ANKFN1: variants seen among roughly 807,000 people sequenced by gnomAD.
ANKFN1 encodes ankyrin repeat and fibronectin type-III domain-containing protein 1.
Under a neutral mutation model 108.7 loss-of-function variants are expected in ANKFN1, and 74 were observed. The observed-to-expected ratio is 0.68, with a 90% CI of 0.56 to 0.83. The LOEUF is 0.83. ANKFN1 is among the 40% of genes least tolerant of loss of function. ANKFN1 has a pLI of 0.00. For synonymous variants in ANKFN1, 547 were observed against 516.2 expected, an observed-to-expected ratio of 1.06 and a Z score of -0.81; for missense variants, 1,505 against 1,382.3, an observed-to-expected ratio of 1.09 and a Z score of -1.41.
rs776587302 is a variant in ANKFN1, at chr17:56,457,989, C to T, written c.1557+10C>T. On this transcript the variant is annotated intron_variant, in intron 14 of 20. Transcript: ENST00000682825. ...AACAGCACAGCTACAGGTAAGGGAC[C>T]AGGTTTCAACCCAGGCCCCCAAGGA... The T allele has an allele frequency of 5.6e-6, 9 of 1,608,610 alleles. No individual in the cohort carries two copies. The East Asian group carries it at 2.0e-4, about 36-fold the overall frequency.
chr17:56,364,383 A>G (rs2046607493), intron 6 of ANKFN1, among the ~76,000 whole-genome samples: 1 of 152,204 alleles, frequency 6.6e-6, no homozygotes, highest in Admixed American at 6.5e-5. Context: ...CATTTTGGAT[A>G]TATCAAGTTA....
intron 8 of ANKFN1, among the ~76,000 whole-genome samples, chr17:56,375,426 A>G (rs1398722898): frequency 1.3e-5 from 2 of 152,220 alleles, no homozygotes; most frequent in Non-Finnish European, 2.9e-5. Flanking sequence ...GAGAAGGTAC[A>G]GTAAGATGTT....
chr17:56,327,512 G>A (rs2045553495), intron 4 of ANKFN1, among the ~76,000 whole-genome samples: 1 of 152,192 alleles, frequency 6.6e-6, no homozygotes, highest in Admixed American at 6.5e-5. Flanking sequence ...GGAAACTGGA[G>A]AGATGGGTGA....
intron 1 of ANKFN1, chr17:56,184,965 G>A (rs1039619090): frequency 1.3e-5 from 2 of 152,220 alleles, no homozygotes; most frequent in Admixed American, 1.3e-4. Context: ...GAAATAAAAT[G>A]TCAACTCTTT....
At chr17:56,188,579 G>GTATATATATATATATATA (rs1220822008) in intron 1 of ANKFN1, among the ~76,000 whole-genome samples, 37 of 71,366 alleles carry the variant, frequency 5.2e-4, no homozygotes, top group African/African-American at 2.4e-3. Flanking sequence ...GTGTGTGTGT[G>GTATATATATATATATATA]TGTATATATA....
At chr17:56,168,328 A>G (rs1430632831) in intron 1 of ANKFN1, among the ~76,000 whole-genome samples, 1 of 151,874 alleles carries the variant, frequency 6.6e-6, no homozygotes, top group Non-Finnish European at 1.5e-5. Flanking sequence ...TCTTAGGAGA[A>G]TGAAATGTAA....
At chr17:56,322,680 C>T (rs1040207477) in intron 3 of ANKFN1, among the ~76,000 whole-genome samples, 2 of 152,202 alleles carry the variant, frequency 1.3e-5, no homozygotes, top group African/African-American at 4.8e-5. Context: ...TCTTTTCAAC[C>T]TGTAGAGAGA....
At chr17:56,049,396 T>TTC (rs1312129557) in intron 4 of ANKFN1, among the ~76,000 whole-genome samples, 1 of 151,500 alleles carries the variant, frequency 6.6e-6, no homozygotes, top group Non-Finnish European at 1.5e-5. Flanking sequence ...GATAAATGAT[T>TTC]TTTTTTTATT....
intron 8 of ANKFN1, among the ~76,000 whole-genome samples, chr17:56,415,099 C>T (rs1176827738): frequency 1.3e-5 from 2 of 152,110 alleles, no homozygotes; most frequent in Non-Finnish European, 2.9e-5. Flanking sequence ...ATATAACAGA[C>T]TCACAGCCTT....
At chr17:56,219,892 G>C (rs1376275999) in intron 2 of ANKFN1, among the ~76,000 whole-genome samples, 1 of 152,208 alleles carries the variant, frequency 6.6e-6, no homozygotes, top group Non-Finnish European at 1.5e-5. Flanking sequence ...GAGGCCCTTG[G>C]CTTTTTAATA....
chr17:56,215,220 T>C (rs1366441634), intron 2 of ANKFN1, among the ~76,000 whole-genome samples: 1 of 152,220 alleles, frequency 6.6e-6, no homozygotes, highest in African/African-American at 2.4e-5. Flanking sequence ...CAGAGCACCG[T>C]GCTTAAGTGT....
At chr17:56,304,561 AT>A (rs1482925177) in intron 3 of ANKFN1, among the ~76,000 whole-genome samples, 1 of 152,174 alleles carries the variant, frequency 6.6e-6, no homozygotes. Flanking sequence ...TTTAAAAAAA[AT>A]CTCCCAAACT....
intron 8 of ANKFN1, among the ~76,000 whole-genome samples, chr17:56,400,856 A>T (rs1567973782): frequency 1.3e-5 from 2 of 151,744 alleles, no homozygotes; most frequent in Non-Finnish European, 1.5e-5. Context: ...TCCTTTCCCC[A>T]CTGTAAGTTT....
At chr17:56,322,900 T>C (rs1262051970) in intron 3 of ANKFN1, among the ~76,000 whole-genome samples, 1 of 152,244 alleles carries the variant, frequency 6.6e-6, no homozygotes. Flanking sequence ...TGTTCATCTT[T>C]GAATGGGAGC....
At chr17:56,384,303 A>C (rs569094517) in intron 8 of ANKFN1, among the ~76,000 whole-genome samples, 10 of 152,306 alleles carry the variant, frequency 6.6e-5, no homozygotes, top group African/African-American at 9.6e-5. Flanking sequence ...AACTCTCAAT[A>C]AATTAGGTAT....
intron 8 of ANKFN1, among the ~76,000 whole-genome samples, chr17:56,393,892 G>A (rs1157594507): frequency 6.6e-6 from 1 of 152,194 alleles, no homozygotes; most frequent in Non-Finnish European, 1.5e-5. Flanking sequence ...TAGCCAAGCA[G>A]TGCAGGAATT....
chr17:56,388,952 ATTGT>A (rs915361490), intron 8 of ANKFN1, among the ~76,000 whole-genome samples: 8 of 150,646 alleles, frequency 5.3e-5, no homozygotes, highest in Non-Finnish European at 1.2e-4. Context: ...TTGCTCTTAC[ATTGT>A]TTGTGGGAAT....
intron 2 of ANKFN1, among the ~76,000 whole-genome samples, chr17:56,218,704 C>G (rs1448865221): frequency 6.6e-6 from 1 of 152,130 alleles, no homozygotes; most frequent in Non-Finnish European, 1.5e-5. Flanking sequence ...ATGTGTTTCC[C>G]TCAAATTCCC....
intron 4 of ANKFN1, among the ~76,000 whole-genome samples, chr17:56,079,624 T>C (rs1315952235): frequency 6.6e-6 from 1 of 152,202 alleles, no homozygotes; most frequent in African/African-American, 2.4e-5. Context: ...AGACTCTAAC[T>C]ATCAGGACTG....
Sources: gnomAD v4.1 joint callset for allele counts (sites outside exome capture counted in the v4.1 genomes callset) on GRCh38, gnomAD v4.1.1 for gene constraint, MANE v1.5 for transcripts, NCBI Gene and HGNC (gene_info 2026-07-23, HGNC 2026-07-21) for gene names.